Variants in CIAPIN1 observed in about 807,000 individuals in gnomAD.
CIAPIN1 encodes cytokine induced apoptosis inhibitor 1.
In CIAPIN1, 18 loss-of-function variants were observed where a neutral mutation model predicts 34.3. The observed-to-expected ratio is 0.52, with a 90% CI of 0.36 to 0.78. The LOEUF is 0.78. Ranked by LOEUF, CIAPIN1 falls within the 30% of genes least tolerant of loss-of-function variation. The pLI, the probability that CIAPIN1 is intolerant of heterozygous loss-of-function variation, is 0.00. For synonymous variants in CIAPIN1, 131 were observed against 140.4 expected, an observed-to-expected ratio of 0.93 and a Z score of 0.47; for missense variants, 310 against 372.5, an observed-to-expected ratio of 0.83 and a Z score of 1.38.
intron 6 of CIAPIN1, among the ~76,000 whole-genome samples, chr16:57,432,214 TGAAA>T (rs1903103304): frequency 6.6e-6 from 1 of 152,048 alleles, no homozygotes; most frequent in Non-Finnish European, 1.5e-5. Context: ...CTTGGGAGGC[TGAAA>T]CATGAGAATC....
chr16:57,440,877 T>C lies in CIAPIN1; in HGVS notation c.52A>G (p.Lys18Glu). The change falls in exon 2 of 9, where the codon AAG becomes GAG. Residue 18 changes from lysine (K) to glutamate (E), a missense_variant. Physicochemically the swap from Lys to Glu is moderately conservative, Grantham distance 56. Coordinates refer to ENST00000394391, the MANE Select transcript of CIAPIN1 (RefSeq NM_020313.4). ...AGQFVAVVWD[K>E]SSPVEALKGL... is the part of the protein sequence containing the mutation. Reference sequence around the variant, plus strand: ...TTCAGAGCCTCCACTGGGGATGACTTATCCCAGACCACTGCCACAAACTGG... The same window carrying C: ...TTCAGAGCCTCCACTGGGGATGACTCATCCCAGACCACTGCCACAAACTGG... The C allele has an allele frequency of 6.2e-7, 1 of 1,614,056 alleles. No homozygotes were observed. The highest frequency in any genetic ancestry group is 8.5e-7 in the Non-Finnish European group (1 of 1,179,944).
intron 5 of CIAPIN1, among the ~76,000 whole-genome samples, chr16:57,433,216 G>T (rs1903126959): frequency 6.6e-6 from 1 of 152,220 alleles, no homozygotes; most frequent in Non-Finnish European, 1.5e-5. Flanking sequence ...AAGAGGCAGA[G>T]AGCTGAGGCT....
chr16:57,430,818 G>A (rs181351599), intron 7 of CIAPIN1, among the ~76,000 whole-genome samples: 160 of 152,196 alleles, frequency 1.1e-3, no homozygotes, highest in African/African-American at 3.7e-3. Flanking sequence ...TCGCTCTGAT[G>A]CCCATGCTGG....
chr16:57,439,943 G>A (rs1424280950), intron 2 of CIAPIN1, among the ~76,000 whole-genome samples: 1 of 152,230 alleles, frequency 6.6e-6, no homozygotes, highest in Non-Finnish European at 1.5e-5. Flanking sequence ...GCGATGTTCA[G>A]GGAACAAGGG....
chr16:57,446,984 T>C (rs2030104089), intron 1 of CIAPIN1, among the ~76,000 whole-genome samples: 1 of 152,176 alleles, frequency 6.6e-6, no homozygotes, highest in Admixed American at 6.5e-5. Context: ...TCACAACGAT[T>C]GGCTACTGGT....
Position 57,429,133 on chromosome 16 carries a change from G to T in CIAPIN1, c.*37C>A. The T allele has an allele frequency of 7.1e-7, 1 of 1,415,914 alleles. No individual in the cohort carries two copies. Among genetic ancestry groups the T allele is most frequent in the Non-Finnish European group, 1.0e-6 (1 of 1,001,602 alleles). 87.7% of individuals were successfully genotyped at this position (1,415,914 alleles called of 1,614,324 possible). ...TGGTGGGATGTGAGGGACAGGAGTT[G>T]GCTGGAGGAGCAGATGGGTCCCATG... On this transcript the variant is annotated 3_prime_UTR_variant, in exon 9 of 9. Coordinates refer to ENST00000394391, the MANE Select transcript of CIAPIN1 (RefSeq NM_020313.4).
At chr16:57,437,536 A>T (rs999634874) in intron 3 of CIAPIN1, among the ~76,000 whole-genome samples, 3 of 151,182 alleles carry the variant, frequency 2.0e-5, no homozygotes, top group African/African-American at 7.3e-5. Context: ...TATTATTATT[A>T]TTTTTGAGAC....
chr16:57,439,221 C>T lies in CIAPIN1; in HGVS notation c.271G>A (p.Gly91Arg), dbSNP rs1180847409. 6.2e-7 allele frequency: 1 copy of T among 1,614,124 alleles called. No homozygotes were observed. The highest frequency in any genetic ancestry group is 8.5e-7 in the Non-Finnish European group (1 of 1,180,050). Residue 91 changes from glycine (G) to arginine (R), a missense_variant, in exon 3 of 9, where the codon GGA (glycine) becomes AGA (arginine). Coordinates refer to ENST00000394391, the MANE Select transcript of CIAPIN1 (RefSeq NM_020313.4). ...AEIARILRPG[G>R]CLFLKEPVET... ...ACTGGCTCCTTCAGAAAAAGACATC[C>T]ACCAGGCCGAAGGATCCGGGCGATT...
rs560839275 is a variant in CIAPIN1, at chr16:57,428,531, C to T, written c.*639G>A. ...ATGCACATCCCCTCTCTTTACAAGA[C>T]ATGCAGAATCTCAAGATATGTCAAG... On this transcript the variant is annotated 3_prime_UTR_variant, in exon 9 of 9. Coordinates refer to ENST00000394391, the MANE Select transcript of CIAPIN1 (RefSeq NM_020313.4). 2.6e-5 allele frequency: 4 copies of T among 152,446 alleles called. No individual in the cohort carries two copies. In the East Asian group the frequency reaches 7.7e-4, roughly 29 times the overall value. 9.4% of individuals were successfully genotyped at this position (152,446 alleles called of 1,614,324 possible).
chr16:57,436,074 T>C (rs575395215), intron 4 of CIAPIN1, among the ~76,000 whole-genome samples: 29 of 152,342 alleles, frequency 1.9e-4, no homozygotes, highest in Middle Eastern at 3.4e-3. Flanking sequence ...TCGGGTCTAC[T>C]GAGAGGTGGG....
rs532203869 is a variant in CIAPIN1 at position 57,437,147 on chromosome 16, AT to A, written c.311-416del. ...ATCTCAAAGAAAAAACAAAAAAAAA[AT>A]AATAACCTATTCTGTTTAATGTACA... On this transcript the variant is annotated intron_variant, in intron 3 of 8. Coordinates refer to ENST00000394391, the MANE Select transcript of CIAPIN1 (RefSeq NM_020313.4). Among the ~76,000 whole-genome samples the A allele has an allele frequency of 3.0e-4, 45 of 152,216 alleles. No individual in the cohort carries two copies. In the South Asian group the frequency reaches 6.2e-3, roughly 21 times the overall value.
In CIAPIN1 at chr16:57,439,178, T is replaced by C; in HGVS notation, c.310+4A>G. On this transcript the variant is annotated splice_donor_region_variant and intron_variant, in intron 3 of 8. Transcript: ENST00000394391. ...ACATGTTTTCCAAGTGAAGATCTCC[T>C]TACCTACAGCTGTCTCTACTGGCTC... 2 of 1,613,152 alleles carry C rather than the reference T, an allele frequency of 1.2e-6. No individual in the cohort carries two copies. The highest frequency in any genetic ancestry group is 1.7e-6 in the Non-Finnish European group (2 of 1,179,886).
rs554441583 is a variant in CIAPIN1 at position 57,435,717 on chromosome 16, C to A, written c.387+939G>T. Among the ~76,000 whole-genome samples, 5 of 152,248 alleles carry A rather than the reference C, an allele frequency of 3.3e-5. No individual in the cohort carries two copies. In the South Asian group the frequency reaches 1.0e-3, roughly 32 times the overall value. On this transcript the variant is annotated intron_variant, in intron 4 of 8. Transcript: ENST00000394391. ...GCTCAGGCAGGAGAATTGCTTGAAC[C>A]CAGGAGGCGGATGATGCAGTAAGCA...
At position 57,431,092 on chromosome 16, in the gene CIAPIN1, G is replaced by A. The variant is rs375779681; in HGVS notation, c.746+59C>T. ...TCTAAAAATAGTACAGCACCGCGAT[G>A]TCTTCAGCATGAAGCCACTGGAGGC... On this transcript the variant is annotated intron_variant, in intron 7 of 8. Transcript: ENST00000394391. 7 of 989,970 alleles carry A rather than the reference G, an allele frequency of 7.1e-6. No individual in the cohort carries two copies. The South Asian group carries it at 7.9e-5, about 11-fold the overall frequency. 61.3% of individuals were successfully genotyped at this position (989,970 alleles called of 1,614,324 possible).
intron 6 of CIAPIN1, among the ~76,000 whole-genome samples, chr16:57,431,634 G>A (rs950967173): frequency 3.3e-5 from 5 of 152,240 alleles, no homozygotes; most frequent in Admixed American, 6.5e-5. Context: ...GAAGAGTCAC[G>A]TGAAAAAGGG....
chr16:57,442,564 T>C (rs1466265299), intron 1 of CIAPIN1, among the ~76,000 whole-genome samples: 2 of 151,980 alleles, frequency 1.3e-5, no homozygotes, highest in African/African-American at 2.4e-5. Flanking sequence ...TAATCTTATG[T>C]AGTCCCAGCT....
chr16:57,432,795 T>C (rs1464614455), intron 5 of CIAPIN1, among the ~76,000 whole-genome samples: 2 of 152,196 alleles, frequency 1.3e-5, no homozygotes, highest in Non-Finnish European at 2.9e-5. Context: ...AGGCACCATA[T>C]TAAGCACTTA....
At chr16:57,437,263 A>G (rs1177917125) in intron 3 of CIAPIN1, among the ~76,000 whole-genome samples, 8 of 152,194 alleles carry the variant, frequency 5.3e-5, no homozygotes, top group Non-Finnish European at 1.0e-4. Context: ...GAAACTGTAT[A>G]CTTCAGTTTT....
intron 8 of CIAPIN1, 118 bp downstream of exon 8, chr16:57,430,140 G>A: frequency 1.2e-6 from 1 of 843,674 alleles, no homozygotes; most frequent in Non-Finnish European, 2.0e-6. Context: ...ACGTTCGTGT[G>A]CTCACGCATT....
Sources: gnomAD v4.1 joint callset for allele counts (sites outside exome capture counted in the v4.1 genomes callset) on GRCh38, gnomAD v4.1.1 for gene constraint, MANE v1.5 for transcripts, NCBI Gene and HGNC (gene_info 2026-07-23, HGNC 2026-07-21) for gene names.